The following SIK2 variants were observed in gnomAD, a reference collection of about 807,000 sequenced individuals.
The protein encoded by SIK2 is salt inducible kinase 2.
Under a neutral mutation model 103.2 loss-of-function variants are expected in SIK2, and 29 were observed. The ratio of observed to expected loss-of-function variants is 0.28; its 90% CI spans 0.21 to 0.38. The LOEUF is 0.38. Among genes scored for constraint, SIK2 ranks in the 10% least tolerant of loss-of-function variants. The pLI is 1.00. For synonymous variants in SIK2, 412 were observed against 446.1 expected (o/e 0.92, Z 0.96); for missense variants, 879 against 1,171.0 (o/e 0.75, Z 3.64).
intron 1 of SIK2, among the ~76,000 whole-genome samples, chr11:111,604,670 G>T (rs1941625250): frequency 6.6e-6 from 1 of 152,190 alleles, no homozygotes; most frequent in Non-Finnish European, 1.5e-5. Flanking sequence ...CGGTCAGATC[G>T]TGAAAGAGGA....
rs1378689370 is a variant in SIK2 at position 111,728,811 on chromosome 11, C to G, written c.*4682C>G. 1 of 151,870 alleles carries G rather than the reference C, an allele frequency of 6.6e-6. No individual in the cohort carries two copies. The highest frequency in any genetic ancestry group is 2.4e-5 in the African/African-American group (1 of 41,312). The allele number at this position is 151,870 out of a possible 1,614,324, so 9.4% of individuals were successfully genotyped here. A position where few individuals can be genotyped will look rare whatever the true frequency, so the allele number is the denominator to read the frequency against. ...TGGTGGTGGGCGCCTGTAGTTCCAGCTACTCGGGAGGCTGAGGCAGGAGAA... is the reference window on the plus strand; with the variant it reads ...TGGTGGTGGGCGCCTGTAGTTCCAGGTACTCGGGAGGCTGAGGCAGGAGAA... On this transcript the variant is annotated 3_prime_UTR_variant, in exon 15 of 15. Transcript: ENST00000304987.
intron 4 of SIK2, among the ~76,000 whole-genome samples, chr11:111,691,858 C>A (rs1372746697): frequency 6.6e-6 from 1 of 152,208 alleles, no homozygotes; most frequent in Non-Finnish European, 1.5e-5. Flanking sequence ...AAAAGCTTAA[C>A]TCTGCTCTTA....
intron 3 of SIK2, among the ~76,000 whole-genome samples, chr11:111,647,735 G>T (rs1011234229): frequency 2.6e-5 from 4 of 151,840 alleles, no homozygotes; most frequent in African/African-American, 7.3e-5. Context: ...GGGCGTGGTG[G>T]CAGGCACCTG....
At chr11:111,647,563 A>G (rs1344090929) in intron 3 of SIK2, among the ~76,000 whole-genome samples, 2 of 3,306 alleles carry the variant, frequency 6.0e-4, no homozygotes, top group Non-Finnish European at 8.1e-3. Context: ...CCCCATCTCG[A>G]AAAAAAAAAA....
rs1235627997 is a variant in SIK2 at position 111,712,345 on chromosome 11, C to T, written c.1236C>T (p.Phe412=). Residue 412 remains phenylalanine, a synonymous_variant, in exon 9 of 15, where the codon TTC becomes TTT. Coordinates refer to ENST00000304987, the MANE Select transcript of SIK2 (RefSeq NM_015191.3). ...PASGCQAEAA[F]MEEECVDTPK... is the part of the protein sequence containing the mutation. ...CTGGCTGTCAGGCGGAAGCTGCATT[C>T]ATGGAAGAAGAGTGTGTGGACACTC... 1.9e-6 allele frequency: 3 copies of T among 1,614,140 alleles called. No individual in the cohort carries two copies. The highest frequency in any genetic ancestry group is 2.5e-6 in the Non-Finnish European group (3 of 1,180,018).
chr11:111,640,399 AT>A (rs1942165296), intron 3 of SIK2, among the ~76,000 whole-genome samples: 2 of 152,180 alleles, frequency 1.3e-5, no homozygotes, highest in South Asian at 4.1e-4. Flanking sequence ...TTTAAGATAG[AT>A]TTGCTTTTCA....
intron 3 of SIK2, among the ~76,000 whole-genome samples, chr11:111,675,602 T>C (rs1467752714): frequency 6.6e-6 from 1 of 152,214 alleles, no homozygotes; most frequent in Non-Finnish European, 1.5e-5. Flanking sequence ...GCTAATAAAC[T>C]AGGGCTTGAC....
At chr11:111,720,418 C>G (rs1255884178) in intron 10 of SIK2, 60 bp from the exon 11 acceptor site, 1 of 1,485,280 alleles carries the variant, frequency 6.7e-7, no homozygotes, top group African/African-American at 1.4e-5. Flanking sequence ...ATGCTTTGTA[C>G]CCTATGTTCC....
At chr11:111,671,876 C>T (rs1339459346) in intron 3 of SIK2, 2 of 415,712 alleles carry the variant, frequency 4.8e-6, no homozygotes, top group Non-Finnish European at 9.3e-6. Flanking sequence ...CTCAAGCTGC[C>T]CCTGCGTATC....
intron 3 of SIK2, among the ~76,000 whole-genome samples, chr11:111,623,578 C>T (rs1941922346): frequency 6.6e-6 from 1 of 152,230 alleles, no homozygotes; most frequent in East Asian, 1.9e-4. Context: ...TGAAACAGTG[C>T]TCAGTCTGGG....
At chr11:111,693,331 C>CAAA (rs1306377241) in intron 4 of SIK2, among the ~76,000 whole-genome samples, 4 of 93,624 alleles carry the variant, frequency 4.3e-5, no homozygotes, top group Non-Finnish European at 4.4e-5. Flanking sequence ...GACTCCGTCT[C>CAAA]AAAAAAAAAA....
intron 4 of SIK2, among the ~76,000 whole-genome samples, chr11:111,696,767 G>A (rs1021550944): frequency 2.0e-5 from 3 of 152,190 alleles, no homozygotes; most frequent in African/African-American, 7.2e-5. Flanking sequence ...ACATGTGTAT[G>A]GAATGCTGAT....
In SIK2 at chr11:111,721,188, C is replaced by T. The variant is rs181846560; in HGVS notation, c.1944+126C>T. 1.2e-4 allele frequency: 143 copies of T among 1,194,726 alleles called. 1 individual carries two copies. The Admixed American group carries it at 4.1e-3, about 34-fold the overall frequency. 74.0% of individuals were successfully genotyped at this position (1,194,726 alleles called of 1,614,324 possible). On this transcript the variant is annotated intron_variant, in intron 12 of 14. Coordinates refer to ENST00000304987, the MANE Select transcript of SIK2 (RefSeq NM_015191.3). ...GAGCAAACAGGCTGTTTGGGAAAAC[C>T]CACAGCTTCTTTGCCTTGTTGCTGC...
At chr11:111,642,063 A>G (rs888985456) in intron 3 of SIK2, among the ~76,000 whole-genome samples, 1 of 152,074 alleles carries the variant, frequency 6.6e-6, no homozygotes, top group Non-Finnish European at 1.5e-5. Context: ...GGAATGCTCC[A>G]TGTTTTCCTA....
At position 111,633,360 on chromosome 11, in the gene SIK2, T is replaced by C. The variant is rs78636311; in HGVS notation, c.316+12958T>C. Among the ~76,000 whole-genome samples, 895 of 152,330 alleles carry C rather than the reference T, an allele frequency of 5.9e-3. 6 individuals carry two copies. Among genetic ancestry groups the C allele is most frequent in the African/African-American group, 0.019 (792 of 41,578 alleles). The stretch of plus-strand genomic sequence containing the variant: ...TGTGTATCTTTTATCTCTTAATAGA[T>C]TGTAAGCTTCTGTTGAGGACTTTAG... On this transcript the variant is annotated intron_variant, in intron 3 of 14. Transcript: ENST00000304987.
chr11:111,602,737 G>A lies in SIK2; in HGVS notation c.135+39G>A. The A allele has an allele frequency of 6.8e-7, 1 of 1,467,116 alleles. No individual in the cohort carries two copies. Among genetic ancestry groups the A allele is most frequent in the Non-Finnish European group, 9.0e-7 (1 of 1,107,782 alleles). The allele number at this position is 1,467,116 out of a possible 1,614,324, so 90.9% of individuals were successfully genotyped here. On this transcript the variant is annotated intron_variant, in intron 1 of 14. Coordinates refer to ENST00000304987, the MANE Select transcript of SIK2 (RefSeq NM_015191.3). This position sits in a 1 kb window ranked among gnomAD's most constrained non-coding sequence, Gnocchi z 4.5. Reference sequence around the variant, plus strand: ...CTCGGCGGGAGCGTCCGAGGCGAGGGTTCGGGAGAGGAGCTGCTTACCGAG... The same window carrying A: ...CTCGGCGGGAGCGTCCGAGGCGAGGATTCGGGAGAGGAGCTGCTTACCGAG...
At chr11:111,645,296 C>G (rs1422452110) in intron 3 of SIK2, among the ~76,000 whole-genome samples, 2 of 152,058 alleles carry the variant, frequency 1.3e-5, no homozygotes, top group East Asian at 3.9e-4. Context: ...TTCAATAGTT[C>G]AAAACTGGAA....
At position 111,729,139 on chromosome 11, in the gene SIK2, ACCAT is replaced by A. The variant is rs1225181731; in HGVS notation, c.*5011_*5014del. On this transcript the variant is annotated 3_prime_UTR_variant, in exon 15 of 15. Transcript: ENST00000304987. ...CAGTAGCCTCTCACATTCTTATTTT[ACCAT>A]TTTTGTCCTAATTAAGGTAGCCTAG... 2 of 152,142 alleles carry A rather than the reference ACCAT, an allele frequency of 1.3e-5. No homozygotes were observed. Among genetic ancestry groups the A allele is most frequent in the African/African-American group, 4.8e-5 (2 of 41,404 alleles). The allele number at this position is 152,142 out of a possible 1,614,324, so 9.4% of individuals were successfully genotyped here.
At chr11:111,696,159 A>G (rs190550373) in intron 4 of SIK2, among the ~76,000 whole-genome samples, 1 of 152,360 alleles carries the variant, frequency 6.6e-6, no homozygotes, top group East Asian at 1.9e-4. Flanking sequence ...CAGGCCATAT[A>G]GAACCCAGGT....
Sources: allele counts gnomAD v4.1 joint callset (sites outside exome capture counted in the v4.1 genomes callset), GRCh38; gene constraint gnomAD v4.1.1; non-coding constraint Gnocchi (gnomAD v3.1); transcripts MANE v1.5; gene names NCBI Gene and HGNC (gene_info 2026-07-23, HGNC 2026-07-21).